BAZ2B: variants seen among roughly 807,000 people sequenced by gnomAD.
The protein encoded by BAZ2B is bromodomain adjacent to zinc finger domain 2B.
A neutral mutation model predicts 246.0 loss-of-function variants in BAZ2B; 91 were observed. That is an observed-to-expected ratio of 0.37 (90% confidence interval 0.31 to 0.44). The LOEUF is 0.44. Ranked by LOEUF, BAZ2B falls within the 20% of genes least tolerant of loss-of-function variation. The pLI, the probability that BAZ2B is intolerant of heterozygous loss-of-function variation, is 1.00. For missense variants in BAZ2B, 2,332 were observed against 2,533.7 expected, an observed-to-expected ratio of 0.92 and a Z score of 1.71; for synonymous variants, 855 against 860.0, an observed-to-expected ratio of 0.99 and a Z score of 0.10.
At chr2:159,615,759 TGGC>T (rs1695910017) in intron 1 of BAZ2B, 1 of 152,014 alleles carries the variant, frequency 6.6e-6, no homozygotes, top group South Asian at 2.1e-4. Flanking sequence ...GCAAAACTGT[TGGC>T]GGCGACCTGA....
chr2:159,397,027 C>T, intron 19 of BAZ2B: 1 of 1,318,632 alleles, frequency 7.6e-7, no homozygotes, highest in Non-Finnish European at 1.0e-6. Context: ...ATATCACAAC[C>T]AAATCACAAT....
At chr2:159,427,704 A>G (rs1380996482) in intron 13 of BAZ2B, among the ~76,000 whole-genome samples, 1 of 152,146 alleles carries the variant, frequency 6.6e-6, no homozygotes, top group East Asian at 1.9e-4. Flanking sequence ...TTATTGGTTG[A>G]ATTAATAAAC....
intron 3 of BAZ2B, among the ~76,000 whole-genome samples, chr2:159,476,541 A>G (rs958445989): frequency 6.6e-6 from 1 of 152,212 alleles, no homozygotes; most frequent in African/African-American, 2.4e-5. Context: ...ATAGTGCCCA[A>G]CATATGACTC....
chr2:159,463,302 A>G, intron 3 of BAZ2B: 1 of 327,830 alleles, frequency 3.1e-6, no homozygotes, highest in South Asian at 3.0e-5. Flanking sequence ...AAAAAAGACG[A>G]TTCCTTAACG....
At chr2:159,409,091 T>C (rs1168395290) in intron 14 of BAZ2B, among the ~76,000 whole-genome samples, 1 of 152,042 alleles carries the variant, frequency 6.6e-6, no homozygotes, top group Non-Finnish European at 1.5e-5. Context: ...CCTTTTGAAA[T>C]ACTAATTTGG....
In BAZ2B at chr2:159,412,406, G is replaced by C; in HGVS notation, c.2606C>G (p.Pro869Arg). The C allele has an allele frequency of 6.2e-7, 1 of 1,614,048 alleles. No individual in the cohort carries two copies. The highest frequency in any genetic ancestry group is 1.1e-5 in the South Asian group (1 of 91,076). The change falls in exon 14 of 37, where the codon CCT (proline) becomes CGT (arginine). Residue 869 changes from proline (P) to arginine (R), a missense_variant. By Grantham distance (103) the Pro-to-Arg change is moderately radical (BLOSUM62 -2). Transcript: ENST00000392783. ...ESRMRRRKGR[P>R]PNVGNAEFLD... is the part of the protein sequence containing the mutation. Reference sequence around the variant, plus strand: ...GAATTCAGCATTGCCAACATTTGGAGGTCGACCTTTCCGACGTCTCATCCT... The same window carrying C: ...GAATTCAGCATTGCCAACATTTGGACGTCGACCTTTCCGACGTCTCATCCT...
chr2:159,439,788 A>G (rs1163900307), intron 6 of BAZ2B, among the ~76,000 whole-genome samples: 1 of 152,086 alleles, frequency 6.6e-6, no homozygotes, highest in Non-Finnish European at 1.5e-5. Context: ...GTAGCAAAAG[A>G]CCTATGGGGC....
At chr2:159,645,008 C>T in the BAZ2B span, among the ~76,000 whole-genome samples, 1 of 152,194 alleles carries the variant, frequency 6.6e-6, no homozygotes, top group Non-Finnish European at 1.5e-5. Context: ...GGCACAGTGG[C>T]TCACACGTGT....
chr2:159,549,641 A>G (rs1005261219), intron 2 of BAZ2B, among the ~76,000 whole-genome samples: 2 of 152,156 alleles, frequency 1.3e-5, no homozygotes, highest in African/African-American at 4.8e-5. Flanking sequence ...TAATGTTTTG[A>G]TAAAGTTTCC....
chr2:159,415,340 G>A (rs954759363), intron 13 of BAZ2B, among the ~76,000 whole-genome samples: 5 of 151,278 alleles, frequency 3.3e-5, no homozygotes, highest in African/African-American at 1.2e-4. Context: ...AGCTACTTGG[G>A]AGGCTGAGGC....
At chr2:159,620,470 C>A (rs966286858), upstream of BAZ2B, among the ~76,000 whole-genome samples, 2 of 152,090 alleles carry the variant, frequency 1.3e-5, no homozygotes, top group African/African-American at 4.8e-5. Flanking sequence ...TCATATAAAT[C>A]ACATTATAAA....
chr2:159,347,402 T>C (rs963414615), intron 31 of BAZ2B, 84 bp downstream of exon 31: 5 of 1,389,202 alleles, frequency 3.6e-6, no homozygotes, highest in Non-Finnish European at 5.1e-6. Flanking sequence ...ATTTAGCACA[T>C]TAACTAGCAT....
At chr2:159,329,978 T>G (rs1273795042) in intron 34 of BAZ2B, among the ~76,000 whole-genome samples, 1 of 152,188 alleles carries the variant, frequency 6.6e-6, no homozygotes, top group East Asian at 1.9e-4. Context: ...TTCTATAACT[T>G]AAGTTATGAA....
intron 2 of BAZ2B, among the ~76,000 whole-genome samples, chr2:159,542,162 A>G (rs1366102482): frequency 6.6e-6 from 1 of 152,246 alleles, no homozygotes; most frequent in Non-Finnish European, 1.5e-5. Context: ...AATGAACAAA[A>G]GTGAACAGAG....
At chr2:159,655,187 G>A in the BAZ2B span, among the ~76,000 whole-genome samples, 3 of 152,062 alleles carry the variant, frequency 2.0e-5, no homozygotes, top group African/African-American at 7.2e-5. Context: ...ATTACCTGAG[G>A]TCAGGAGTTT....
chr2:159,531,335 A>G (rs1374449106), intron 2 of BAZ2B, among the ~76,000 whole-genome samples: 1 of 152,110 alleles, frequency 6.6e-6, no homozygotes, highest in East Asian at 1.9e-4. Flanking sequence ...TTTTCGATCA[A>G]TTTTTTTGAT....
rs114888697 is a variant in BAZ2B, at chr2:159,389,037, A to T, written c.3216+308T>A. Among the ~76,000 whole-genome samples, 90 of 152,166 alleles carry T rather than the reference A, an allele frequency of 5.9e-4. 1 individual carries two copies. Among genetic ancestry groups the T allele is most frequent in the African/African-American group, 1.8e-3 (73 of 41,542 alleles). ...AGAAGTTGAGGCTTCAGTGAGCTAT[A>T]ATCCTGCCACTGCCCTCTCTCCAGC... On this transcript the variant is annotated intron_variant, in intron 21 of 36. Coordinates refer to ENST00000392783, the MANE Select transcript of BAZ2B (RefSeq NM_013450.4).
At chr2:159,522,605 T>C (rs946149655) in intron 2 of BAZ2B, among the ~76,000 whole-genome samples, 2 of 152,184 alleles carry the variant, frequency 1.3e-5, no homozygotes, top group Non-Finnish European at 2.9e-5. Flanking sequence ...AGTAAACAAT[T>C]AGACGTTCCT....
chr2:159,360,960 T>C (rs887870651), intron 27 of BAZ2B, among the ~76,000 whole-genome samples: 9 of 152,212 alleles, frequency 5.9e-5, no homozygotes, highest in African/African-American at 2.2e-4. Context: ...TCAAGATGGA[T>C]TGAAGACTTA....
Sources: allele counts gnomAD v4.1 joint callset (sites outside exome capture counted in the v4.1 genomes callset), GRCh38; gene constraint gnomAD v4.1.1; transcripts MANE v1.5; gene names NCBI Gene and HGNC (gene_info 2026-07-23, HGNC 2026-07-21).